The following EPHB6 variants were observed in gnomAD, a reference collection of about 807,000 sequenced individuals.
EPHB6 encodes the protein EPH receptor B6.
In EPHB6, 51 loss-of-function variants were observed where a neutral mutation model predicts 107.0. The ratio of observed to expected loss-of-function variants is 0.48; its 90% CI spans 0.38 to 0.60. EPHB6 has a LOEUF of 0.60. Among genes scored for constraint, EPHB6 ranks in the 20% least tolerant of loss-of-function variants. EPHB6 has a pLI of 0.00. For synonymous variants in EPHB6, 553 were observed against 549.0 expected, an observed-to-expected ratio of 1.01 and a Z score of -0.10; for missense variants, 1,141 against 1,355.5, an observed-to-expected ratio of 0.84 and a Z score of 2.48.
chr7:142,857,370 G>A (rs1309485787), intron 1 of EPHB6, among the ~76,000 whole-genome samples: 2 of 152,250 alleles, frequency 1.3e-5, no homozygotes, highest in Non-Finnish European at 2.9e-5. Context: ...CATGAAGCCT[G>A]ATGATGGGAT....
At chr7:142,858,329 G>A (rs1802692981) in intron 1 of EPHB6, among the ~76,000 whole-genome samples, 1 of 147,736 alleles carries the variant, frequency 6.8e-6, no homozygotes, top group South Asian at 2.1e-4. Context: ...AGCTTGATTT[G>A]CTCATGAAAA....
rs1586180001 is a variant in EPHB6, at chr7:142,870,519, T to C, written c.2805-11T>C. The stretch of plus-strand genomic sequence containing the variant: ...AGGAGACCTTGACCCTGCTTGCCCC[T>C]CCCCTCTTAGGCCTTCCCAGGCCCT... On this transcript the variant is annotated splice_polypyrimidine_tract_variant and intron_variant, in intron 18 of 19. Coordinates refer to ENST00000652003, the MANE Select transcript of EPHB6 (RefSeq NM_004445.6). The C allele has an allele frequency of 1.9e-6, 3 of 1,614,120 alleles. No homozygotes were observed. Among genetic ancestry groups the C allele is most frequent in the Non-Finnish European group, 2.5e-6 (3 of 1,180,020 alleles).
At position 142,864,293 on chromosome 7, in the gene EPHB6, C is replaced by CCCTCCTCCT. The variant is rs143667567; in HGVS notation, c.513_521dup (p.Ser175_Ser177dup). 527 of 1,559,938 alleles carry CCCTCCTCCT rather than the reference C, an allele frequency of 3.4e-4. 1 individual carries two copies. The highest frequency in any genetic ancestry group is 4.4e-4 in the Non-Finnish European group (503 of 1,135,704). ...CACAATTGCAGCAGACGAGAGCTTT[C>CCCTCCTCCT]CCTCCTCCTCCTCCTCCTCCTCCTC... On this transcript the variant is annotated inframe_insertion, in exon 7 of 20. Transcript: ENST00000652003.
At position 142,863,176 on chromosome 7, in the gene EPHB6, C is replaced by T. The variant is rs575981595; in HGVS notation, c.-52C>T. 2 of 1,542,750 alleles carry T rather than the reference C, an allele frequency of 1.3e-6. No individual in the cohort carries two copies. Among genetic ancestry groups the T allele is most frequent in the East Asian group, 2.3e-5 (1 of 44,216 alleles). ...GAGTCTTGCAAAAGCTGCAGCCCCA[C>T]CCAGGAGCAGGGTGGTGGCTGGGGC... On this transcript the variant is annotated 5_prime_UTR_variant, in exon 5 of 20. Coordinates refer to ENST00000652003, the MANE Select transcript of EPHB6 (RefSeq NM_004445.6).
Position 142,866,531 on chromosome 7 carries a change from A to G in EPHB6, c.1513A>G (p.Ile505Val), listed in dbSNP as rs1794610024. The change falls in exon 10 of 20, where the codon ATC becomes GTC. Residue 505 changes from isoleucine (I) to valine (V), a missense_variant. By Grantham distance (29) the Ile-to-Val change is conservative (BLOSUM62 3). Transcript: ENST00000652003. The surrounding 1 kb of genome is among the most constrained non-coding windows in gnomAD (Gnocchi z 5.2). The part of the protein sequence containing the change: ...VHQVSRASNS[I>V]TVSWPQPDQT... ...CCAGGTGAGCCGGGCATCCAACAGCATCACGGTGTCCTGGCCGCAGCCCGA... is the reference window on the plus strand; with the variant it reads ...CCAGGTGAGCCGGGCATCCAACAGCGTCACGGTGTCCTGGCCGCAGCCCGA... 6.2e-7 allele frequency: 1 copy of G among 1,614,044 alleles called. No homozygotes were observed. The highest frequency in any genetic ancestry group is 1.3e-5 in the African/African-American group (1 of 74,924).
In EPHB6 at chr7:142,863,250, A is replaced by G; in HGVS notation, c.23A>G (p.Gln8Arg). ...CCCATGGCTACTGAAGGGGCTGCCC[A>G]GTTAGGGAACAGAGTGGCGGGCATG... is the stretch of plus-strand genomic sequence containing the variant. MATEGAA[Q>R]LGNRVAGMVC... The change falls in exon 5 of 20, where the codon CAG becomes CGG. Residue 8 changes from glutamine (Q) to arginine (R), a missense_variant. Transcript: ENST00000652003. 5 of 1,614,022 alleles carry G rather than the reference A, an allele frequency of 3.1e-6. No homozygotes were observed. Among genetic ancestry groups the G allele is most frequent in the Non-Finnish European group, 4.2e-6 (5 of 1,179,980 alleles).
In EPHB6 at chr7:142,869,883, A is replaced by G. The variant is rs754090892; in HGVS notation, c.2527A>G (p.Ser843Gly). Residue 843 changes from serine (S) to glycine (G), a missense_variant, in exon 17 of 20, where the codon AGT becomes GGT. Physicochemically the swap from Ser to Gly is moderately conservative, Grantham distance 56. Coordinates refer to ENST00000652003, the MANE Select transcript of EPHB6 (RefSeq NM_004445.6). This position sits in a 1 kb window ranked among gnomAD's most constrained non-coding sequence, Gnocchi z 4.5. ...VIAHGKHTTSSDVWSFGILMW... is the reference protein window; with the variant it reads ...VIAHGKHTTSGDVWSFGILMW... ...TGCACATGGAAAGCATACAACATCC[A>G]GTGATGTCTGGAGCTTTGGGATACT... The G allele has an allele frequency of 3.1e-6, 5 of 1,614,118 alleles. No individual in the cohort carries two copies. The South Asian group carries it at 5.5e-5, about 18-fold the overall frequency.
At position 142,866,610 on chromosome 7, in the gene EPHB6, G is replaced by A. The variant is rs765691390; in HGVS notation, c.1587+5G>A. On this transcript the variant is annotated splice_donor_5th_base_variant and intron_variant, in intron 10 of 19. Transcript: ENST00000652003. The surrounding 1 kb of genome is among the most constrained non-coding windows in gnomAD (Gnocchi z 5.2). Reference sequence around the variant, plus strand: ...CAGCTCCGCTACTATGACCAGGTGCGCAGGAGGAGTGGGGGTTCCGCAGTA... The same window carrying A: ...CAGCTCCGCTACTATGACCAGGTGCACAGGAGGAGTGGGGGTTCCGCAGTA... The A allele has an allele frequency of 1.5e-5, 25 of 1,613,820 alleles. No homozygotes were observed. Among genetic ancestry groups the A allele is most frequent in the Middle Eastern group, 1.6e-4 (1 of 6,076 alleles).
chr7:142,864,996 G>A lies in EPHB6; in HGVS notation c.949+247G>A, dbSNP rs543253265. ...CAATTGCCTTCTCCTAAGTCTTCAGGCCTGAGAAGCGATGGAGACCAAAAG... is the reference window on the plus strand; with the variant it reads ...CAATTGCCTTCTCCTAAGTCTTCAGACCTGAGAAGCGATGGAGACCAAAAG... On this transcript the variant is annotated intron_variant, in intron 7 of 19. Transcript: ENST00000652003. Among the ~76,000 whole-genome samples, 5 of 152,302 alleles carry A rather than the reference G, an allele frequency of 3.3e-5. No homozygotes were observed. In the East Asian group the frequency reaches 9.7e-4, roughly 29 times the overall value.
chr7:142,869,932 G>GAAGGGAAGGGA lies in EPHB6; in HGVS notation c.2577_2578insAGGGAAGGGAA (p.Glu860ArgfsTer11). On this transcript the variant is annotated frameshift_variant, in exon 17 of 20. Coordinates refer to ENST00000652003, the MANE Select transcript of EPHB6 (RefSeq NM_004445.6). LOFTEE classifies it high-confidence loss of function. This position sits in a 1 kb window ranked among gnomAD's most constrained non-coding sequence, Gnocchi z 4.5. The stretch of plus-strand genomic sequence containing the variant: ...CTCATGTGGGAAGTGATGAGTTATG[G>GAAGGGAAGGGA]AGAACGGCCTTACTGGGACATGAGT... 1 of 1,614,170 alleles carries GAAGGGAAGGGA rather than the reference G, an allele frequency of 6.2e-7. No homozygotes were observed.
intron 1 of EPHB6, among the ~76,000 whole-genome samples, chr7:142,858,194 C>T (rs1460805453): frequency 6.6e-6 from 1 of 152,114 alleles, no homozygotes; most frequent in African/African-American, 2.4e-5. Context: ...TTCTACCTCC[C>T]ACAGTAACCC....
At chr7:142,863,106 T>G in intron 4 of EPHB6, 21 bp from the exon 5 acceptor site, 1 of 758,660 alleles carries the variant, frequency 1.3e-6, no homozygotes, top group South Asian at 1.7e-5. Context: ...CTGCCTCTTC[T>G]GGTCTTGTGT....
At position 142,870,792 on chromosome 7, in the gene EPHB6, C is replaced by T; in HGVS notation, c.2961-4C>T. ...CCAGATTTGATCCCTTCCCTCCCCA[C>T]CAGAGACCTGCCTGCCCTGGGCATC... On this transcript the variant is annotated splice_region_variant and splice_polypyrimidine_tract_variant and intron_variant, in intron 19 of 19. Coordinates refer to ENST00000652003, the MANE Select transcript of EPHB6 (RefSeq NM_004445.6). 6.2e-7 allele frequency: 1 copy of T among 1,614,180 alleles called. No homozygotes were observed. Among genetic ancestry groups the T allele is most frequent in the Non-Finnish European group, 8.5e-7 (1 of 1,180,008 alleles).
intron 5 of EPHB6, 146 bp downstream of exon 5, chr7:142,863,473 G>T: frequency 8.5e-7 from 1 of 1,182,520 alleles, no homozygotes; most frequent in South Asian, 1.2e-5. Context: ...ACCCACATCA[G>T]ATTTGTCAGA....
chr7:142,867,007 C>T lies in EPHB6; in HGVS notation c.1689C>T (p.Ala563=). The change falls in exon 11 of 20, where the codon GCC becomes GCT. Residue 563 remains alanine (A), a synonymous_variant. Coordinates refer to ENST00000652003, the MANE Select transcript of EPHB6 (RefSeq NM_004445.6). The surrounding 1 kb of genome is among the most constrained non-coding windows in gnomAD (Gnocchi z 5.3). ...ACATCTATGGTTTCCAGGTGCGGGC[C>T]CGGACTGCTGCCGGCCACGGCCCCT... is the stretch of plus-strand genomic sequence containing the variant. The part of the protein sequence containing the change: ...PGHIYGFQVR[A]RTAAGHGPYG... 1.2e-6 allele frequency: 2 copies of T among 1,614,014 alleles called. No homozygotes were observed. Among genetic ancestry groups the T allele is most frequent in the Non-Finnish European group, 8.5e-7 (1 of 1,180,002 alleles).
Position 142,867,638 on chromosome 7 carries a change from T to G in EPHB6, c.1781T>G (p.Leu594Arg). Reference protein sequence around the residue: ...GELSSQLPERLSLVIGSILGA... With the variant: ...GELSSQLPERRSLVIGSILGA... Reference sequence around the variant, plus strand: ...CTGTCTTCCCAGCTTCCAGAAAGACTCTCCTTGGTGATCGGCTCCATCCTG... The same window carrying G: ...CTGTCTTCCCAGCTTCCAGAAAGACGCTCCTTGGTGATCGGCTCCATCCTG... The change falls in exon 12 of 20, where the codon CTC becomes CGC. Residue 594 changes from leucine to arginine, a missense_variant. Leu to Arg is a moderately radical substitution (Grantham distance 102). Coordinates refer to ENST00000652003, the MANE Select transcript of EPHB6 (RefSeq NM_004445.6). The surrounding 1 kb of genome is among the most constrained non-coding windows in gnomAD (Gnocchi z 5.3). 1 of 1,613,466 alleles carries G rather than the reference T, an allele frequency of 6.2e-7. No homozygotes were observed. Among genetic ancestry groups the G allele is most frequent in the Non-Finnish European group, 8.5e-7 (1 of 1,179,930 alleles).
Position 142,869,078 on chromosome 7 carries a change from G to C in EPHB6, c.2391G>C (p.Leu797=), listed in dbSNP as rs1345681865. The change falls in exon 16 of 20, where the codon CTG becomes CTC. Residue 797 remains leucine (L), a synonymous_variant. Coordinates refer to ENST00000652003, the MANE Select transcript of EPHB6 (RefSeq NM_004445.6). This position sits in a 1 kb window ranked among gnomAD's most constrained non-coding sequence, Gnocchi z 4.5. ...LSSFAFVHRS[L]SAHSVLVNSH... is the part of the protein sequence containing the mutation. ...GCTTTGCCTTCGTCCATCGCTCGCT[G>C]TCTGCCCACAGCGTGCTGGTGAATA... 4 of 1,613,768 alleles carry C rather than the reference G, an allele frequency of 2.5e-6. No homozygotes were observed. The highest frequency in any genetic ancestry group is 3.4e-6 in the Non-Finnish European group (4 of 1,180,028).
chr7:142,868,937 C>A lies in EPHB6; in HGVS notation c.2287-37C>A. Reference sequence around the variant, plus strand: ...GTATGTTGAGGTCTCCCCCTGTCTCCGATCACTGACCTCTGCCCCCTGCCC... The same window carrying A: ...GTATGTTGAGGTCTCCCCCTGTCTCAGATCACTGACCTCTGCCCCCTGCCC... On this transcript the variant is annotated intron_variant, in intron 15 of 19. Coordinates refer to ENST00000652003, the MANE Select transcript of EPHB6 (RefSeq NM_004445.6). This position sits in a 1 kb window ranked among gnomAD's most constrained non-coding sequence, Gnocchi z 4.2. 1 of 1,600,762 alleles carries A rather than the reference C, an allele frequency of 6.2e-7. No homozygotes were observed. Among genetic ancestry groups the A allele is most frequent in the South Asian group, 1.1e-5 (1 of 90,658 alleles).
chr7:142,867,297 A>ATG lies in EPHB6; in HGVS notation c.1750+241_1750+242dup. ...GTGTGGATATAGGAGGGCTGTGGGG[A>ATG]TGTGTGTGTGTGTTGTGTGTCCCTG... On this transcript the variant is annotated intron_variant, in intron 11 of 19. Coordinates refer to ENST00000652003, the MANE Select transcript of EPHB6 (RefSeq NM_004445.6). This position sits in a 1 kb window ranked among gnomAD's most constrained non-coding sequence, Gnocchi z 5.3. 7.9e-6 allele frequency: 5 copies of ATG among 629,722 alleles called. No individual in the cohort carries two copies. Among genetic ancestry groups the ATG allele is most frequent in the East Asian group, 2.8e-5 (1 of 36,272 alleles). The allele number at this position is 629,722 out of a possible 1,614,324, so 39.0% of individuals were successfully genotyped here.
Sources: gnomAD v4.1 joint callset for allele counts (sites outside exome capture counted in the v4.1 genomes callset) on GRCh38, gnomAD v4.1.1 for gene constraint, Gnocchi (gnomAD v3.1) non-coding constraint, MANE v1.5 for transcripts, NCBI Gene and HGNC (gene_info 2026-07-23, HGNC 2026-07-21) for gene names.